The following MYO1G variants were observed in gnomAD, a reference collection of about 807,000 sequenced individuals.
MYO1G encodes unconventional myosin-Ig.
A neutral mutation model predicts 115.3 loss-of-function variants in MYO1G; 65 were observed. The ratio of observed to expected loss-of-function variants is 0.56; its 90% CI spans 0.46 to 0.69. The LOEUF (loss-of-function observed/expected upper bound fraction) is 0.69, where lower values mean the gene tolerates loss of function less well. Among genes scored for constraint, MYO1G ranks in the 30% least tolerant of loss-of-function variants. The pLI is 0.00. For synonymous variants in MYO1G, 510 were observed against 552.6 expected, an observed-to-expected ratio of 0.92 and a Z score of 1.08; for missense variants, 1,204 against 1,393.5, an observed-to-expected ratio of 0.86 and a Z score of 2.16.
chr7:44,978,577 G>A (rs920535504), intron 1 of MYO1G, among the ~76,000 whole-genome samples: 1 of 152,266 alleles, frequency 6.6e-6, no homozygotes, highest in Admixed American at 6.5e-5. Context: ...CAGGAAAGAA[G>A]GGGCAGAAGA....
Position 44,969,990 on chromosome 7 carries a change from G to A in MYO1G, c.1332+50C>T, listed in dbSNP as rs1583789939. On this transcript the variant is annotated intron_variant, in intron 10 of 21. Transcript: ENST00000258787. The surrounding 1 kb of genome is among the most constrained non-coding windows in gnomAD (Gnocchi z 5.0). ...GCCCGGGCCCCTCCCCATGGGCTGAGGCCCCTCCACACCCCACTGCCTGGC... is the reference window on the plus strand; with the variant it reads ...GCCCGGGCCCCTCCCCATGGGCTGAAGCCCCTCCACACCCCACTGCCTGGC... 1.2e-6 allele frequency: 2 copies of A among 1,600,440 alleles called. No homozygotes were observed. Among genetic ancestry groups the A allele is most frequent in the Middle Eastern group, 1.7e-4 (1 of 6,018 alleles).
At chr7:44,978,416 G>T (rs1392353586) in intron 1 of MYO1G, among the ~76,000 whole-genome samples, 1 of 152,184 alleles carries the variant, frequency 6.6e-6, no homozygotes, top group Non-Finnish European at 1.5e-5. Flanking sequence ...GTGTCCCCAG[G>T]GCTCAGGCCA....
rs1287735542 is a variant in MYO1G, at chr7:44,968,015, C to T, written c.1575-57G>A. ...GGGCGGGGGCTGCCAGGCCAGAGTGCTAATGACCCCAGCAGCCCCCACTCT... is the reference window on the plus strand; with the variant it reads ...GGGCGGGGGCTGCCAGGCCAGAGTGTTAATGACCCCAGCAGCCCCCACTCT... On this transcript the variant is annotated intron_variant, in intron 12 of 21. Coordinates refer to ENST00000258787, the MANE Select transcript of MYO1G (RefSeq NM_033054.3). 2.8e-6 allele frequency: 4 copies of T among 1,449,098 alleles called. No individual in the cohort carries two copies. In the African/African-American group the frequency reaches 4.2e-5, roughly 15 times the overall value. 89.8% of individuals were successfully genotyped at this position (1,449,098 alleles called of 1,614,324 possible).
intron 17 of MYO1G, 82 bp from the exon 18 acceptor site, chr7:44,965,171 G>A (rs2128701058): frequency 6.5e-7 from 1 of 1,530,256 alleles, no homozygotes; most frequent in Non-Finnish European, 8.8e-7. Context: ...AGGAAGCTGA[G>A]CCCTCAGCCT....
chr7:44,969,696 C>G lies in MYO1G; in HGVS notation c.1503+9G>C. 6.2e-7 allele frequency: 1 copy of G among 1,610,402 alleles called. No individual in the cohort carries two copies. The highest frequency in any genetic ancestry group is 8.5e-7 in the Non-Finnish European group (1 of 1,179,646). On this transcript the variant is annotated intron_variant, in intron 11 of 21. Coordinates refer to ENST00000258787, the MANE Select transcript of MYO1G (RefSeq NM_033054.3). The surrounding 1 kb of genome is among the most constrained non-coding windows in gnomAD (Gnocchi z 5.0). Reference sequence around the variant, plus strand: ...CCCACTGTGGTGGCACTGGGACAGCCGGGGGCACCTGGCGGCTGGTGTAGT... The same window carrying G: ...CCCACTGTGGTGGCACTGGGACAGCGGGGGGCACCTGGCGGCTGGTGTAGT...
At chr7:44,978,633 G>A (rs911717521) in intron 1 of MYO1G, among the ~76,000 whole-genome samples, 1 of 152,228 alleles carries the variant, frequency 6.6e-6, no homozygotes, top group African/African-American at 2.4e-5. Context: ...GTGGTGGGCA[G>A]CTCCGGTGCT....
intron 5 of MYO1G, chr7:44,974,460 G>A (rs1795012409): frequency 1.3e-5 from 2 of 152,580 alleles, no homozygotes; most frequent in Non-Finnish European, 2.9e-5. Context: ...GGAGCTGAGA[G>A]TTGGTGGGGA....
rs180976586 is a variant in MYO1G, at chr7:44,978,856, C to T, written c.95+11G>A. 6.2e-7 allele frequency: 1 copy of T among 1,613,422 alleles called. No homozygotes were observed. Among genetic ancestry groups the T allele is most frequent in the East Asian group, 2.2e-5 (1 of 44,888 alleles). ...GAGGAGGGGAGCCACTGCCTCCTGCCCTGGGCCTACCTGAGCTGCAGGTTC... is the reference window on the plus strand; with the variant it reads ...GAGGAGGGGAGCCACTGCCTCCTGCTCTGGGCCTACCTGAGCTGCAGGTTC... On this transcript the variant is annotated intron_variant, in intron 1 of 21. Transcript: ENST00000258787.
intron 17 of MYO1G, 67 bp from the exon 18 acceptor site, chr7:44,965,156 C>T: frequency 3.2e-6 from 5 of 1,548,172 alleles, no homozygotes; most frequent in Admixed American, 1.8e-5. Context: ...GCCCCCTCTC[C>T]ACAGAGGAAG....
intron 1 of MYO1G, 60 bp downstream of exon 1, chr7:44,978,807 G>A (rs920504052): frequency 1.7e-4 from 257 of 1,514,368 alleles, no homozygotes; most frequent in Non-Finnish European, 2.2e-4. Context: ...AGGTCTCTGC[G>A]AGGACGCAAG....
chr7:44,962,928 C>G lies in MYO1G; in HGVS notation c.2901-33G>C. 6.7e-7 allele frequency: 1 copy of G among 1,500,820 alleles called. No individual in the cohort carries two copies. Among genetic ancestry groups the G allele is most frequent in the African/African-American group, 1.4e-5 (1 of 69,224 alleles). The allele number at this position is 1,500,820 out of a possible 1,614,324, so 93.0% of individuals were successfully genotyped here. The stretch of plus-strand genomic sequence containing the variant: ...AGGAGGAGGGGTCAGGGCGGCCACG[C>G]GGCCGGGGCTTCGTGCCCGCTACCG... On this transcript the variant is annotated intron_variant, in intron 21 of 21. Transcript: ENST00000258787. This position sits in a 1 kb window ranked among gnomAD's most constrained non-coding sequence, Gnocchi z 5.3.
intron 5 of MYO1G, chr7:44,972,583 A>C: frequency 3.7e-6 from 1 of 266,858 alleles, no homozygotes; most frequent in Non-Finnish European, 7.5e-6. Flanking sequence ...CGGGTCCCAA[A>C]ACCTCCCACT....
At chr7:44,978,777 C>T (rs375782589) in intron 1 of MYO1G, 90 bp downstream of exon 1, 7 of 1,260,548 alleles carry the variant, frequency 5.6e-6, no homozygotes, top group East Asian at 4.7e-5. Context: ...TGGACAGCAG[C>T]GTGCCTTCCT....
chr7:44,965,622 G>T lies in MYO1G; in HGVS notation c.2381+15C>A. 1 of 1,606,828 alleles carries T rather than the reference G, an allele frequency of 6.2e-7. No individual in the cohort carries two copies. Among genetic ancestry groups the T allele is most frequent in the Non-Finnish European group, 8.5e-7 (1 of 1,174,008 alleles). ...TGCCAGCTGAATGGAATGTGTGGTG[G>T]GCTGAGAGTAGTACCTGCAGAAGAG... On this transcript the variant is annotated intron_variant, in intron 17 of 21. Coordinates refer to ENST00000258787, the MANE Select transcript of MYO1G (RefSeq NM_033054.3).
Position 44,965,054 on chromosome 7 carries a change from G to T in MYO1G, c.2417C>A (p.Pro806His). The T allele has an allele frequency of 6.2e-7, 1 of 1,610,292 alleles. No homozygotes were observed. The highest frequency in any genetic ancestry group is 8.5e-7 in the Non-Finnish European group (1 of 1,177,608). ...RARQLVKNIP[P>H]SDMPQIKAKV... ...GGCCTTGATCTGGGGCATGTCTGAAGGGGGGATGTTCTTCACCAGCTGCCG... is the reference window on the plus strand; with the variant it reads ...GGCCTTGATCTGGGGCATGTCTGAATGGGGGATGTTCTTCACCAGCTGCCG... Residue 806 changes from proline (P) to histidine (H), a missense_variant, in exon 18 of 22, where the codon CCT becomes CAT. By Grantham distance (77) the Pro-to-His change is moderately conservative. Transcript: ENST00000258787.
intron 6 of MYO1G, 54 bp downstream of exon 6, chr7:44,972,061 A>G: frequency 6.5e-6 from 9 of 1,377,516 alleles, no homozygotes; most frequent in Non-Finnish European, 9.3e-6. Context: ...CTACCACCAC[A>G]CTCAGGCCCT....
Position 44,963,252 on chromosome 7 carries a change from G to T in MYO1G, c.2746-128C>A. The T allele has an allele frequency of 8.7e-7, 1 of 1,152,488 alleles. No individual in the cohort carries two copies. The highest frequency in any genetic ancestry group is 1.2e-6 in the Non-Finnish European group (1 of 867,810). 71.4% of individuals were successfully genotyped at this position (1,152,488 alleles called of 1,614,324 possible). On this transcript the variant is annotated intron_variant, in intron 20 of 21. Transcript: ENST00000258787. The surrounding 1 kb of genome is among the most constrained non-coding windows in gnomAD (Gnocchi z 4.1). ...CCCGGGGAGCGCCGCCCTCGCCAGG[G>T]CCACCAGCCCCCCACCGCCCCCTCC... is the stretch of plus-strand genomic sequence containing the variant.
Position 44,962,762 on chromosome 7 carries a change from TGAAG to T in MYO1G, c.3030_3033del (p.Phe1011ProfsTer28). ...GCTCAGCGGCTGGGCCAGAGCAGGG[TGAAG>T]GAGCCGCGAGCGCAGCGGAAATCGG... On this transcript the variant is annotated frameshift_variant, in exon 22 of 22. Transcript: ENST00000258787. LOFTEE classifies it high-confidence loss of function. This position sits in a 1 kb window ranked among gnomAD's most constrained non-coding sequence, Gnocchi z 5.3. 1 of 1,481,484 alleles carries T rather than the reference TGAAG, an allele frequency of 6.7e-7. No individual in the cohort carries two copies. Among genetic ancestry groups the T allele is most frequent in the African/African-American group, 1.5e-5 (1 of 67,980 alleles). 91.8% of individuals were successfully genotyped at this position (1,481,484 alleles called of 1,614,324 possible).
intron 5 of MYO1G, chr7:44,972,520 A>C (rs1647228453): frequency 2.5e-6 from 1 of 392,438 alleles, no homozygotes; most frequent in South Asian, 2.2e-5. Context: ...ATTGCCCTCG[A>C]CCCAGGGGGA....
Sources: allele counts gnomAD v4.1 joint callset (sites outside exome capture counted in the v4.1 genomes callset), GRCh38; gene constraint gnomAD v4.1.1; non-coding constraint Gnocchi (gnomAD v3.1); transcripts MANE v1.5; gene names NCBI Gene and HGNC (gene_info 2026-07-23, HGNC 2026-07-21).